DPYD: variants seen among roughly 807,000 people sequenced by gnomAD.
DPYD encodes the protein dihydropyrimidine dehydrogenase.
A neutral mutation model predicts 116.2 loss-of-function variants in DPYD; 109 were observed. The observed-to-expected ratio is 0.94, with a 90% CI of 0.80 to 1.10. The LOEUF is 1.10. Among genes scored for constraint, DPYD ranks in the 50% least tolerant of loss-of-function variants. The pLI is 0.00. For synonymous variants in DPYD, 440 were observed against 432.0 expected (o/e 1.02, Z -0.23); for missense variants, 1,302 against 1,254.5 (o/e 1.04, Z -0.57).
At position 97,239,825 on chromosome 1, in the gene DPYD, A is replaced by AAAT. The variant is rs550861682; in HGVS notation, c.2300-4834_2300-4832dup. Among the ~76,000 whole-genome samples the AAAT allele has an allele frequency of 3.7e-4, 57 of 152,206 alleles. No individual in the cohort carries two copies. In the East Asian group the frequency reaches 0.01, roughly 27 times the overall value. Reference sequence around the variant, plus strand: ...CCGAATCTCAATTTTGTCATCTATAAAATAATAAAAATTGTAATAACGTCT... The same window carrying AAAT: ...CCGAATCTCAATTTTGTCATCTATAAAATAATAATAAAAATTGTAATAACGTCT... On this transcript the variant is annotated intron_variant, in intron 18 of 22. Transcript: ENST00000370192.
intron 4 of DPYD, among the ~76,000 whole-genome samples, chr1:97,735,797 A>G (rs1571272451): frequency 6.6e-6 from 1 of 151,682 alleles, no homozygotes; most frequent in Non-Finnish European, 1.5e-5. Context: ...AAAAACTCTT[A>G]GAAATGAAAG....
chr1:97,529,418 A>G (rs577342571), intron 12 of DPYD, among the ~76,000 whole-genome samples: 1 of 152,314 alleles, frequency 6.6e-6, no homozygotes, highest in East Asian at 1.9e-4. Flanking sequence ...CGGCTTCACT[A>G]AACATTGTTT....
At chr1:97,797,172 T>G (rs1429060232) in intron 3 of DPYD, 5 of 152,170 alleles carry the variant, frequency 3.3e-5, no homozygotes, top group Admixed American at 3.3e-4. Flanking sequence ...TCTTGCTTTC[T>G]TTTCTATTTC....
intron 16 of DPYD, among the ~76,000 whole-genome samples, chr1:97,340,662 T>C (rs114719882): frequency 0.038 from 5,836 of 152,036 alleles, 159 homozygotes; most frequent in East Asian, 0.08. Flanking sequence ...AGCAACAGAG[T>C]GAGACCCTAT....
At chr1:97,707,562 C>T (rs1013947441) in intron 5 of DPYD, among the ~76,000 whole-genome samples, 3 of 150,772 alleles carry the variant, frequency 2.0e-5, no homozygotes, top group Admixed American at 1.3e-4. Flanking sequence ...TTTGTTCTTG[C>T]GATAGTTTAC....
At chr1:97,445,622 C>T (rs891041570) in intron 14 of DPYD, among the ~76,000 whole-genome samples, 13 of 152,144 alleles carry the variant, frequency 8.5e-5, no homozygotes, top group African/African-American at 3.1e-4. Flanking sequence ...ACCTTTCTTC[C>T]CTTGAAGTTT....
intron 14 of DPYD, among the ~76,000 whole-genome samples, chr1:97,407,736 A>G (rs2101656175): frequency 6.6e-6 from 1 of 152,236 alleles, no homozygotes; most frequent in East Asian, 1.9e-4. Flanking sequence ...AAGGGGTGTA[A>G]GTAGAAGTGA....
At chr1:97,522,508 G>A (rs1648756918) in intron 12 of DPYD, among the ~76,000 whole-genome samples, 1 of 152,060 alleles carries the variant, frequency 6.6e-6, no homozygotes, top group Non-Finnish European at 1.5e-5. Context: ...GGATCATGAG[G>A]TCAGTAGATC....
intron 8 of DPYD, among the ~76,000 whole-genome samples, chr1:97,652,071 A>C (rs1023172939): frequency 1.3e-5 from 2 of 152,100 alleles, no homozygotes; most frequent in Admixed American, 6.5e-5. Flanking sequence ...TCAATTTATA[A>C]TACAAGAAAT....
intron 8 of DPYD, among the ~76,000 whole-genome samples, chr1:97,665,111 A>C (rs1307503609): frequency 6.6e-6 from 1 of 152,098 alleles, no homozygotes; most frequent in African/African-American, 2.4e-5. Context: ...TAGCTACCAA[A>C]ACCACATTAG....
chr1:97,762,896 G>A (rs763357902), intron 3 of DPYD, among the ~76,000 whole-genome samples: 11 of 151,974 alleles, frequency 7.2e-5, no homozygotes, highest in Admixed American at 1.3e-4. Flanking sequence ...TTAAATATGC[G>A]TCGTCACAAC....
intron 21 of DPYD, among the ~76,000 whole-genome samples, chr1:97,086,496 T>G (rs1266998000): frequency 1.3e-5 from 2 of 152,214 alleles, no homozygotes; most frequent in Non-Finnish European, 2.9e-5. Flanking sequence ...TTTATTAGTT[T>G]TGGTCTATTT....
Position 97,515,779 on chromosome 1 carries a change from C to T in DPYD, c.1687G>A (p.Ala563Thr), listed in dbSNP as rs1467976981. 1.2e-6 allele frequency: 2 copies of T among 1,612,762 alleles called. No individual in the cohort carries two copies. Among genetic ancestry groups the T allele is most frequent in the East Asian group, 2.2e-5 (1 of 44,860 alleles). Residue 563 changes from alanine to threonine, a missense_variant, in exon 13 of 23, where the codon GCT (alanine) becomes ACT (threonine). Transcript: ENST00000370192. ...PATSTSMIRR[A>T]FEAGWGFALT... is the part of the protein sequence containing the mutation. ...GCAAAACCCCATCCAGCTTCAAAAGCTCTTCGAATCATTGATGTGCTGGTG... is the reference window on the plus strand; with the variant it reads ...GCAAAACCCCATCCAGCTTCAAAAGTTCTTCGAATCATTGATGTGCTGGTG...
At chr1:97,215,059 G>A (rs1238722493) in intron 19 of DPYD, among the ~76,000 whole-genome samples, 1 of 152,154 alleles carries the variant, frequency 6.6e-6, no homozygotes, top group African/African-American at 2.4e-5. Flanking sequence ...TGATGATGAT[G>A]GCTGATGATG....
intron 14 of DPYD, among the ~76,000 whole-genome samples, chr1:97,410,979 AAGAT>A (rs1296089282): frequency 6.6e-6 from 1 of 152,232 alleles, no homozygotes; most frequent in Non-Finnish European, 1.5e-5. Context: ...TACTACGTCA[AAGAT>A]AGAATAGTGA....
At chr1:97,520,433 C>T (rs1031498113) in intron 12 of DPYD, among the ~76,000 whole-genome samples, 1 of 152,154 alleles carries the variant, frequency 6.6e-6, no homozygotes, top group African/African-American at 2.4e-5. Context: ...CTTACTACCA[C>T]CTATACACTT....
intron 11 of DPYD, among the ~76,000 whole-genome samples, chr1:97,563,777 A>G (rs1471300257): frequency 1.3e-5 from 2 of 152,190 alleles, no homozygotes; most frequent in Non-Finnish European, 2.9e-5. Context: ...ATTCCCAATC[A>G]CTTTCAACAC....
At chr1:97,120,974 G>A (rs951387834) in intron 20 of DPYD, among the ~76,000 whole-genome samples, 1 of 152,172 alleles carries the variant, frequency 6.6e-6, no homozygotes, top group Non-Finnish European at 1.5e-5. Context: ...TCTGGGGAGA[G>A]TTCTAAGTAA....
At chr1:97,789,533 A>G (rs1667210064) in intron 3 of DPYD, among the ~76,000 whole-genome samples, 1 of 152,234 alleles carries the variant, frequency 6.6e-6, no homozygotes, top group South Asian at 2.1e-4. Context: ...GTTTATGAAA[A>G]TGAATTTTAG....
Sources: gnomAD v4.1 joint callset for allele counts (sites outside exome capture counted in the v4.1 genomes callset) on GRCh38, gnomAD v4.1.1 for gene constraint, MANE v1.5 for transcripts, NCBI Gene and HGNC (gene_info 2026-07-23, HGNC 2026-07-21) for gene names.